NIN: variants seen among roughly 807,000 people sequenced by gnomAD.
NIN encodes the protein ninein, also known as glycogen synthase kinase 3 beta-interacting protein.
A neutral mutation model predicts 257.6 loss-of-function variants in NIN; 137 were observed. That is an observed-to-expected ratio of 0.53 (90% CI 0.46 to 0.61). The LOEUF is 0.61. NIN is among the 20% of genes least tolerant of loss of function. The pLI, the probability that NIN is intolerant of heterozygous loss-of-function variation, is 0.00. For synonymous variants in NIN, 918 were observed against 919.8 expected, an observed-to-expected ratio of 1.00 and a Z score of 0.04; for missense variants, 2,439 against 2,501.2, an observed-to-expected ratio of 0.98 and a Z score of 0.53.
At chr14:50,813,804 AC>A (rs1234052770) in intron 3 of NIN, among the ~76,000 whole-genome samples, 1 of 152,260 alleles carries the variant, frequency 6.6e-6, no homozygotes, top group East Asian at 1.9e-4. Context: ...ATGAAACAAG[AC>A]AAAGGTCTAT....
At position 50,758,379 on chromosome 14, in the gene NIN, T is replaced by C. The variant is rs41299191; in HGVS notation, c.2651A>G (p.Lys884Arg). 0.017 allele frequency: 28,197 copies of C among 1,614,104 alleles called. 350 individuals carry two copies. The highest frequency in any genetic ancestry group is 0.043 in the Middle Eastern group (262 of 6,060). ...CTGGGTCAGGACCAGAGAAGTTGTT[T>C]TCTCTCTCTTAAGAGTCTCTTTCAG... Reference protein sequence around the residue: ...ELLKETLKREKTTSLVLTQER... With the variant: ...ELLKETLKRERTTSLVLTQER... The change falls in exon 18 of 31, where the codon AAA becomes AGA. Residue 884 changes from lysine to arginine, a missense_variant. Coordinates refer to ENST00000530997, the MANE Select transcript of NIN (RefSeq NM_020921.4).
chr14:50,736,219 G>A (rs73295455), intron 27 of NIN, among the ~76,000 whole-genome samples: 1,998 of 151,786 alleles, frequency 0.013, 22 homozygotes, highest in African/African-American at 0.041. Flanking sequence ...TGCAACCTGC[G>A]CTTCCCAGGT....
At chr14:50,800,785 CTT>C (rs11362674) in intron 4 of NIN, among the ~76,000 whole-genome samples, 158 of 138,714 alleles carry the variant, frequency 1.1e-3, no homozygotes, top group Non-Finnish European at 1.2e-3. Flanking sequence ...TTTTTCTTTG[CTT>C]TTTTTTTTTT....
chr14:50,734,293 T>C (rs906273137), intron 28 of NIN, among the ~76,000 whole-genome samples: 22 of 152,094 alleles, frequency 1.4e-4, no homozygotes, highest in Admixed American at 9.8e-4. Flanking sequence ...GGTTTCACTA[T>C]GTTGGCCAGG....
rs760979452 is a variant in NIN, at chr14:50,753,091, CTACT to C, written c.4735-362_4735-359del. On this transcript the variant is annotated intron_variant, in intron 20 of 30. Coordinates refer to ENST00000530997, the MANE Select transcript of NIN (RefSeq NM_020921.4). Reference sequence around the variant, plus strand: ...TTTATGTTTGGACAGCTTGCTTTTTCTACTTACTTACTTAAAGACTCTTTCCAGG... The same window carrying C: ...TTTATGTTTGGACAGCTTGCTTTTTCTACTTACTTAAAGACTCTTTCCAGG... Among the ~76,000 whole-genome samples, 356 of 152,236 alleles carry C rather than the reference CTACT, an allele frequency of 2.3e-3. 2 individuals carry two copies. The highest frequency in any genetic ancestry group is 3.2e-3 in the Non-Finnish European group (217 of 68,012).
Position 50,760,012 on chromosome 14 carries a change from G to A in NIN, c.2244C>T (p.Ser748=), listed in dbSNP as rs200278498. 3,330 of 1,614,124 alleles carry A rather than the reference G, an allele frequency of 2.1e-3. 94 individuals are homozygous for A. In the South Asian group the frequency reaches 0.034, roughly 16 times the overall value. ...FEREREGLQS[S]AWTEEKVRGL... is the part of the protein sequence containing the mutation. ...CTCTCACCTTCTCTTCTGTCCAGGC[G>A]CTACTCTGAAGGCCTTCCCTCTCCC... Residue 748 remains serine (S), a synonymous_variant, in exon 17 of 31, where the codon AGC becomes AGT. Transcript: ENST00000530997.
At chr14:50,772,278 T>A in intron 9 of NIN, 23 bp downstream of exon 9, 1 of 1,560,744 alleles carries the variant, frequency 6.4e-7, no homozygotes, top group Non-Finnish European at 8.7e-7. Context: ...GTTTGTCATT[T>A]TTCTCAATTT....
intron 28 of NIN, among the ~76,000 whole-genome samples, chr14:50,729,966 C>T (rs572700780): frequency 1.2e-4 from 18 of 152,320 alleles, no homozygotes; most frequent in African/African-American, 4.3e-4. Flanking sequence ...AAAAGCCCTT[C>T]CCAACTCTGG....
At chr14:50,763,713 C>CTTTTTTTTTTTTTTTTTTTTTTTTTT in intron 15 of NIN, 113 bp downstream of exon 15, 1 of 675,486 alleles carries the variant, frequency 1.5e-6, no homozygotes, top group Non-Finnish European at 2.2e-6. Flanking sequence ...TGGCCAAATT[C>CTTTTTTTTTTTTTTTTTTTTTTTTTT]TTTTTTTTTT....
chr14:50,742,995 G>A (rs970692537), intron 24 of NIN, among the ~76,000 whole-genome samples: 6 of 151,820 alleles, frequency 4.0e-5, no homozygotes, highest in Non-Finnish European at 5.9e-5. Context: ...ATGGAGTCTC[G>A]CTCTGTCGTG....
chr14:50,776,073 TC>T (rs1299246553), intron 7 of NIN, among the ~76,000 whole-genome samples: 1 of 152,002 alleles, frequency 6.6e-6, no homozygotes, highest in Non-Finnish European at 1.5e-5. Flanking sequence ...ATACCACTTA[TC>T]CCCCGAGCAA....
chr14:50,748,056 A>AT lies in NIN; in HGVS notation c.4999dup (p.Ile1667AsnfsTer16). ...TTCCTGTTGCACAATATGGGTCTGTATTTTAACTTCAGAGAGCTCCGCCTC... is the reference window on the plus strand; with the variant it reads ...TTCCTGTTGCACAATATGGGTCTGTATTTTTAACTTCAGAGAGCTCCGCCTC... On this transcript the variant is annotated frameshift_variant, in exon 22 of 31. Coordinates refer to ENST00000530997, the MANE Select transcript of NIN (RefSeq NM_020921.4). LOFTEE classifies it high-confidence loss of function. 2 of 1,614,118 alleles carry AT rather than the reference A, an allele frequency of 1.2e-6. No individual in the cohort carries two copies. The highest frequency in any genetic ancestry group is 1.7e-6 in the Non-Finnish European group (2 of 1,179,982).
intron 27 of NIN, among the ~76,000 whole-genome samples, chr14:50,737,351 G>C (rs554863164): frequency 3.9e-5 from 6 of 152,224 alleles, no homozygotes; most frequent in Admixed American, 3.3e-4. Context: ...TCTAGCCCCA[G>C]TGAAGCGTTC....
At chr14:50,827,177 T>C (rs556446373) in intron 2 of NIN, among the ~76,000 whole-genome samples, 1 of 152,300 alleles carries the variant, frequency 6.6e-6, no homozygotes, top group South Asian at 2.1e-4. Context: ...CTACTTTCAG[T>C]ATAAAAGGAA....
intron 5 of NIN, among the ~76,000 whole-genome samples, chr14:50,786,818 C>A (rs1016217370): frequency 2.6e-5 from 4 of 152,092 alleles, no homozygotes; most frequent in African/African-American, 9.7e-5. Flanking sequence ...AAGTTTACTC[C>A]AGAATTAAAT....
chr14:50,758,236 G>C lies in NIN; in HGVS notation c.2794C>G (p.Leu932Val), dbSNP rs755115223. Reference sequence around the variant, plus strand: ...AGCTCAAGTATCTGGTCAGACAGCAGGCTTTGCTGGGTTTCAGATACATTT... The same window carrying C: ...AGCTCAAGTATCTGGTCAGACAGCACGCTTTGCTGGGTTTCAGATACATTT... The part of the protein sequence containing the change: ...LRNVSETQQS[L>V]LSDQILELKS... Residue 932 changes from leucine (L) to valine (V), a missense_variant, in exon 18 of 31, where the codon CTG becomes GTG. Leu to Val is a conservative substitution (Grantham distance 32, BLOSUM62 1). Coordinates refer to ENST00000530997, the MANE Select transcript of NIN (RefSeq NM_020921.4). 1 of 1,614,204 alleles carries C rather than the reference G, an allele frequency of 6.2e-7. No individual in the cohort carries two copies. Among genetic ancestry groups the C allele is most frequent in the Non-Finnish European group, 8.5e-7 (1 of 1,180,036 alleles).
Position 50,770,997 on chromosome 14 carries a change from G to C in NIN, c.1119-5C>G. ...ACCACCTGATCAACTCGTTCCCTAG[G>C]ATCAGAAGTACACTGAGTTAATGGG... On this transcript the variant is annotated splice_polypyrimidine_tract_variant and splice_region_variant and intron_variant, in intron 10 of 30. Coordinates refer to ENST00000530997, the MANE Select transcript of NIN (RefSeq NM_020921.4). 1 of 1,612,946 alleles carries C rather than the reference G, an allele frequency of 6.2e-7. No individual in the cohort carries two copies. The highest frequency in any genetic ancestry group is 8.5e-7 in the Non-Finnish European group (1 of 1,179,548).
chr14:50,823,418 C>A, intron 2 of NIN: 2 of 411,692 alleles, frequency 4.9e-6, no homozygotes, highest in South Asian at 2.0e-5. Context: ...TAGAGGTGAT[C>A]GTCCATACGG....
At chr14:50,813,048 G>C (rs2044710784) in intron 3 of NIN, among the ~76,000 whole-genome samples, 1 of 152,164 alleles carries the variant, frequency 6.6e-6, no homozygotes, top group Non-Finnish European at 1.5e-5. Context: ...TTCTCTTGTG[G>C]AGGAGGCGAC....
Sources: gnomAD v4.1 joint callset for allele counts (sites outside exome capture counted in the v4.1 genomes callset) on GRCh38, gnomAD v4.1.1 for gene constraint, MANE v1.5 for transcripts, NCBI Gene and HGNC (gene_info 2026-07-23, HGNC 2026-07-21) for gene names.